BANF2: variants seen among roughly 807,000 people sequenced by gnomAD.
BANF2 encodes the protein barrier-to-autointegration factor-like protein.
In BANF2, 4 loss-of-function variants were observed where a neutral mutation model predicts 8.0. The ratio of observed to expected loss-of-function variants is 0.50; its 90% CI spans 0.25 to 1.14. The LOEUF (loss-of-function observed/expected upper bound fraction) is 1.14. Ranked by LOEUF, BANF2 falls within the 50% of genes most tolerant of loss-of-function variation. The pLI is 0.16. For missense variants in BANF2, 96 were observed against 107.5 expected (o/e 0.89, Z 0.47); for synonymous variants, 50 against 40.6 (o/e 1.23, Z -0.88).
chr20:17,724,786 T>A (rs768390692), intron 2 of BANF2, among the ~76,000 whole-genome samples: 17 of 152,218 alleles, frequency 1.1e-4, no homozygotes, highest in Admixed American at 8.5e-4. Flanking sequence ...ATTTGACTCA[T>A]CTGTGGCCAT....
At chr20:17,715,534 C>T (rs1462421146) in intron 1 of BANF2, among the ~76,000 whole-genome samples, 2 of 152,228 alleles carry the variant, frequency 1.3e-5, no homozygotes, top group African/African-American at 2.4e-5. Flanking sequence ...ATTGCAGAAT[C>T]GGAGCTAACG....
intron 1 of BANF2, among the ~76,000 whole-genome samples, chr20:17,704,856 G>A (rs1952560511): frequency 6.6e-6 from 1 of 152,164 alleles, no homozygotes. Context: ...TGCATTGCCA[G>A]GATCGCTCTG....
intron 2 of BANF2, among the ~76,000 whole-genome samples, chr20:17,723,694 A>G (rs1038918147): frequency 8.5e-5 from 13 of 152,220 alleles, no homozygotes; most frequent in African/African-American, 3.1e-4. Flanking sequence ...AGATGTCTCT[A>G]TCAAACTTGG....
At chr20:17,709,262 T>G (rs1269846190) in intron 1 of BANF2, among the ~76,000 whole-genome samples, 1 of 152,088 alleles carries the variant, frequency 6.6e-6, no homozygotes, top group African/African-American at 2.4e-5. Context: ...ACTCACACCC[T>G]CCTATCTGGA....
intron 3 of BANF2, among the ~76,000 whole-genome samples, chr20:17,728,743 C>A (rs1568819496): frequency 6.6e-6 from 1 of 152,154 alleles, no homozygotes; most frequent in Non-Finnish European, 1.5e-5. Context: ...TATGTGATAG[C>A]CTTCTTCTGG....
At chr20:17,694,597 CTCTCTTTT>C (rs2037327303) in intron 1 of BANF2, among the ~76,000 whole-genome samples, 1 of 36,278 alleles carries the variant, frequency 2.8e-5, no homozygotes, top group African/African-American at 7.3e-5. Flanking sequence ...TGTTTTTTCT[CTCTCTTTT>C]TTTTTTTTTT....
At chr20:17,734,044 C>T (rs964601836) in intron 3 of BANF2, among the ~76,000 whole-genome samples, 4 of 152,144 alleles carry the variant, frequency 2.6e-5, no homozygotes, top group Non-Finnish European at 4.4e-5. Context: ...GAGAGATGGG[C>T]GTTTAATGTG....
intron 1 of BANF2, among the ~76,000 whole-genome samples, chr20:17,709,634 A>G (rs2037539758): frequency 6.6e-6 from 1 of 152,116 alleles, no homozygotes; most frequent in African/African-American, 2.4e-5. Context: ...AAGGAGGGAA[A>G]ATGATTGCCC....
At chr20:17,724,210 A>T (rs191432421) in intron 2 of BANF2, among the ~76,000 whole-genome samples, 3 of 152,204 alleles carry the variant, frequency 2.0e-5, no homozygotes, top group African/African-American at 7.2e-5. Flanking sequence ...GTGGAGAGGG[A>T]TGAAAATAGT....
chr20:17,716,632 G>A (rs1450726247), intron 1 of BANF2, among the ~76,000 whole-genome samples: 3 of 151,686 alleles, frequency 2.0e-5, no homozygotes, highest in South Asian at 2.1e-4. Context: ...GGGAGGCCGA[G>A]GAGGGTGGAT....
Position 17,723,516 on chromosome 20 carries a change from C to T in BANF2, c.-4+638C>T, listed in dbSNP as rs543381683. ...CCTCTGGACTTTTTGGTAGCATGTGCTAATAACACCTCCCTATTGTGTAAA... is the reference window on the plus strand; with the variant it reads ...CCTCTGGACTTTTTGGTAGCATGTGTTAATAACACCTCCCTATTGTGTAAA... On this transcript the variant is annotated intron_variant, in intron 2 of 3. Transcript: ENST00000246090. Among the ~76,000 whole-genome samples, 3 of 152,328 alleles carry T rather than the reference C, an allele frequency of 2.0e-5. No individual in the cohort carries two copies. In the East Asian group the frequency reaches 5.8e-4, roughly 29 times the overall value.
chr20:17,711,357 C>T (rs750721958), intron 1 of BANF2, among the ~76,000 whole-genome samples: 17 of 152,240 alleles, frequency 1.1e-4, no homozygotes, highest in Non-Finnish European at 2.4e-4. Flanking sequence ...GATTCACTCT[C>T]ACCACACTTA....
intron 1 of BANF2, among the ~76,000 whole-genome samples, chr20:17,712,781 T>C (rs1310563646): frequency 1.3e-5 from 2 of 152,088 alleles, no homozygotes; most frequent in Admixed American, 6.6e-5. Flanking sequence ...CAGAATGCTG[T>C]ACTCATAAGG....
intron 1 of BANF2, among the ~76,000 whole-genome samples, chr20:17,708,047 A>AAAAC (rs2037511034): frequency 8.9e-6 from 1 of 112,490 alleles, no homozygotes; most frequent in Non-Finnish European, 1.8e-5. Context: ...ACTAAAAATC[A>AAAAC]AAAAAAAAAA....
upstream of BANF2, among the ~76,000 whole-genome samples, chr20:17,698,017 C>CA (rs1568803736): frequency 6.6e-6 from 1 of 151,370 alleles, no homozygotes; most frequent in South Asian, 2.1e-4. Flanking sequence ...CCAGCCTGGC[C>CA]AAAAAAGTGA....
rs76162735 is a variant in BANF2, at chr20:17,734,468, C to A, written c.127-1197C>A. ...CGTGTGCATTAGGAAGGTGCAGAAA[C>A]TGAGATCCAGGTTCTGTGGGTTCTT... On this transcript the variant is annotated intron_variant, in intron 3 of 3. Coordinates refer to ENST00000246090, the MANE Select transcript of BANF2 (RefSeq NM_178477.5). 7.6e-3 allele frequency among the ~76,000 whole-genome samples: 1,162 copies of A among 152,314 alleles called. 13 individuals carry two copies. The highest frequency in any genetic ancestry group is 0.026 in the African/African-American group (1,089 of 41,568).
chr20:17,694,700 C>A (rs1037509082), intron 1 of BANF2, among the ~76,000 whole-genome samples: 1 of 139,952 alleles, frequency 7.1e-6, no homozygotes, highest in Non-Finnish European at 1.5e-5. Flanking sequence ...CTCACTGTAG[C>A]CTTGACCTCC....
At chr20:17,702,601 G>A (rs778822425) in intron 1 of BANF2, among the ~76,000 whole-genome samples, 22 of 152,148 alleles carry the variant, frequency 1.4e-4, no homozygotes, top group Non-Finnish European at 8.8e-5. Context: ...GATAGGACCC[G>A]TGTGCAACTG....
upstream of BANF2, among the ~76,000 whole-genome samples, chr20:17,696,280 C>T (rs2037345536): frequency 6.6e-6 from 1 of 152,212 alleles, no homozygotes; most frequent in Non-Finnish European, 1.5e-5. Flanking sequence ...ACAGAGATTA[C>T]AGGCATGAAC....
Sources: allele counts gnomAD v4.1 joint callset (sites outside exome capture counted in the v4.1 genomes callset), GRCh38; gene constraint gnomAD v4.1.1; transcripts MANE v1.5; gene names NCBI Gene and HGNC (gene_info 2026-07-23, HGNC 2026-07-21).